Variants in SCAF11 observed in about 807,000 individuals in gnomAD.
The protein encoded by SCAF11 is SR-related CTD associated factor 11.
SCAF11 carries 47 observed loss-of-function variants against 140.5 expected under a neutral mutation model. The ratio of observed to expected loss-of-function variants is 0.33; its 90% CI spans 0.26 to 0.43. The LOEUF is 0.43. Among genes scored for constraint, SCAF11 ranks in the 20% least tolerant of loss-of-function variants. The pLI is 1.00. For synonymous variants in SCAF11, 557 were observed against 579.4 expected, an observed-to-expected ratio of 0.96 and a Z score of 0.55; for missense variants, 1,645 against 1,705.1, an observed-to-expected ratio of 0.96 and a Z score of 0.62.
intron 5 of SCAF11, among the ~76,000 whole-genome samples, chr12:45,945,769 G>A (rs1474961127): frequency 6.6e-6 from 1 of 152,068 alleles, no homozygotes; most frequent in African/African-American, 2.4e-5. Context: ...CTGGGCTCAA[G>A]TGATCCTCCC....
rs990850938 is a variant in SCAF11 at position 45,971,043 on chromosome 12, G to A, written c.-21-6855C>T. Among the ~76,000 whole-genome samples the A allele has an allele frequency of 7.2e-5, 11 of 152,088 alleles. No individual in the cohort carries two copies. In the East Asian group the frequency reaches 1.3e-3, roughly 19 times the overall value. Reference sequence around the variant, plus strand: ...CAAAGTGAAAGGCAAGCCAGAAATCGTCAGCCAGACAATGAAGACTGAATT... The same window carrying A: ...CAAAGTGAAAGGCAAGCCAGAAATCATCAGCCAGACAATGAAGACTGAATT... On this transcript the variant is annotated intron_variant, in intron 1 of 14. Coordinates refer to ENST00000369367, the MANE Select transcript of SCAF11 (RefSeq NM_004719.3).
chr12:45,945,211 A>C (rs769676106), intron 6 of SCAF11, 38 bp downstream of exon 6: 4 of 1,273,956 alleles, frequency 3.1e-6, no homozygotes, highest in Non-Finnish European at 3.3e-6. Flanking sequence ...AAAAACAACA[A>C]AAAAAAAGGT....
At chr12:45,991,989 G>A, upstream of SCAF11, 1 of 1,289,068 alleles carries the variant, frequency 7.8e-7, no homozygotes, top group Non-Finnish European at 1.0e-6. Flanking sequence ...CGCCTGCCCG[G>A]GATGAGTTTC....
At chr12:45,959,918 C>T (rs1945785457) in intron 3 of SCAF11, among the ~76,000 whole-genome samples, 1 of 152,164 alleles carries the variant, frequency 6.6e-6, no homozygotes, top group Non-Finnish European at 1.5e-5. Context: ...ATCACAACTC[C>T]TCCCTGCCTA....
In SCAF11 at chr12:45,936,236, G is replaced by C. The variant is rs961311773; in HGVS notation, c.464-1731C>G. Among the ~76,000 whole-genome samples, 3 of 151,854 alleles carry C rather than the reference G, an allele frequency of 2.0e-5. No individual in the cohort carries two copies. The South Asian group carries it at 6.2e-4, about 32-fold the overall frequency. ...GGCTGACTGCAACCTCTGCCTCCCA[G>C]GTTCAAGCAATTCTCCTGTCTCGGC... is the stretch of plus-strand genomic sequence containing the variant. On this transcript the variant is annotated intron_variant, in intron 6 of 14. Transcript: ENST00000369367.
At chr12:45,929,867 T>TA (rs1944999207) in intron 10 of SCAF11, 1 of 152,180 alleles carries the variant, frequency 6.6e-6, no homozygotes. Flanking sequence ...AAAAATACAA[T>TA]ATAGTCGACC....
intron 1 of SCAF11, among the ~76,000 whole-genome samples, chr12:45,976,791 TA>T (rs1000066879): frequency 2.0e-5 from 3 of 150,916 alleles, no homozygotes; most frequent in African/African-American, 7.3e-5. Context: ...CACCTTAAAC[TA>T]AAAAAGGAGC....
Position 45,990,488 on chromosome 12 carries a change from G to A in SCAF11, c.-157C>T, listed in dbSNP as rs1199484304. 1 of 1,231,000 alleles carries A rather than the reference G, an allele frequency of 8.1e-7. No individual in the cohort carries two copies. The highest frequency in any genetic ancestry group is 4.2e-5 in the Admixed American group (1 of 23,666). 76.3% of individuals were successfully genotyped at this position (1,231,000 alleles called of 1,614,324 possible). Reference sequence around the variant, plus strand: ...GGTGTTACAGGGTCTCTAGGACACTGACTCCGCTGGCTCGGTCCGGAGGCG... The same window carrying A: ...GGTGTTACAGGGTCTCTAGGACACTAACTCCGCTGGCTCGGTCCGGAGGCG... On this transcript the variant is annotated 5_prime_UTR_variant, in exon 1 of 15. Coordinates refer to ENST00000369367, the MANE Select transcript of SCAF11 (RefSeq NM_004719.3).
intron 6 of SCAF11, among the ~76,000 whole-genome samples, chr12:45,936,164 C>T (rs1464909541): frequency 6.8e-6 from 1 of 147,478 alleles, no homozygotes; most frequent in Non-Finnish European, 1.5e-5. Context: ...TTTTTTGAAA[C>T]AGAATCTCGC....
At chr12:45,961,602 T>C (rs1375221957) in intron 3 of SCAF11, 98 bp downstream of exon 3, 2 of 1,015,074 alleles carry the variant, frequency 2.0e-6, no homozygotes, top group Non-Finnish European at 2.8e-6. Flanking sequence ...AGGAAGAAAA[T>C]ACATTACTGT....
intron 1 of SCAF11, among the ~76,000 whole-genome samples, chr12:45,987,432 T>C (rs780886315): frequency 5.3e-5 from 8 of 152,242 alleles, no homozygotes; most frequent in African/African-American, 1.2e-4. Flanking sequence ...ACTGAAGGCA[T>C]TGTTCAGGTG....
At position 45,990,406 on chromosome 12, in the gene SCAF11, A is replaced by T; in HGVS notation, c.-75T>A. ...GGCCGCGGCCCCACAGTAGGTTCCCAGGTCCCAGTCACTCCGCTGCCAAGT... is the reference window on the plus strand; with the variant it reads ...GGCCGCGGCCCCACAGTAGGTTCCCTGGTCCCAGTCACTCCGCTGCCAAGT... On this transcript the variant is annotated 5_prime_UTR_variant, in exon 1 of 15. Coordinates refer to ENST00000369367, the MANE Select transcript of SCAF11 (RefSeq NM_004719.3). 8.1e-7 allele frequency: 1 copy of T among 1,232,366 alleles called. No homozygotes were observed. The highest frequency in any genetic ancestry group is 1.0e-6 in the Non-Finnish European group (1 of 988,624). The allele number at this position is 1,232,366 out of a possible 1,614,324, so 76.3% of individuals were successfully genotyped here.
At chr12:45,981,672 G>C (rs1435502413) in intron 1 of SCAF11, among the ~76,000 whole-genome samples, 2 of 152,136 alleles carry the variant, frequency 1.3e-5, no homozygotes, top group African/African-American at 2.4e-5. Context: ...TGGCATGCCT[G>C]TAGTACTAGG....
intron 3 of SCAF11, among the ~76,000 whole-genome samples, chr12:45,959,719 A>T (rs1014016161): frequency 1.3e-5 from 2 of 152,228 alleles, no homozygotes; most frequent in Admixed American, 1.3e-4. Context: ...CTTAGTCTAC[A>T]TGATTTTTTT....
chr12:45,976,991 T>A (rs776103232), intron 1 of SCAF11, among the ~76,000 whole-genome samples: 4 of 152,080 alleles, frequency 2.6e-5, no homozygotes, highest in Non-Finnish European at 5.9e-5. Flanking sequence ...TTGAAGAAAT[T>A]GAATTTGTAG....
chr12:45,951,925 T>A (rs761867594), intron 3 of SCAF11, among the ~76,000 whole-genome samples, 198 bp from the exon 4 acceptor site: 1 of 152,202 alleles, frequency 6.6e-6, no homozygotes, highest in South Asian at 2.1e-4. Flanking sequence ...AATACAATGA[T>A]GAACGAGACA....
intron 11 of SCAF11, 134 bp downstream of exon 11, chr12:45,926,008 T>C (rs1456455252): frequency 1.2e-6 from 1 of 837,414 alleles, no homozygotes; most frequent in Non-Finnish European, 1.8e-6. Flanking sequence ...TAATGCTAAG[T>C]GACTTGTAAA....
chr12:45,923,746 G>C (rs185871144), intron 12 of SCAF11, among the ~76,000 whole-genome samples: 2 of 151,446 alleles, frequency 1.3e-5, no homozygotes, highest in East Asian at 1.9e-4. Context: ...GCAGTGGCGC[G>C]ATCTTGGCTC....
chr12:45,923,240 A>G, intron 12 of SCAF11, 86 bp from the exon 13 acceptor site: 1 of 1,228,774 alleles, frequency 8.1e-7, no homozygotes, highest in Non-Finnish European at 1.2e-6. Flanking sequence ...ACATTAAAAA[A>G]CACAAAGCAA....
Sources: gnomAD v4.1 joint callset for allele counts (sites outside exome capture counted in the v4.1 genomes callset) on GRCh38, gnomAD v4.1.1 for gene constraint, MANE v1.5 for transcripts, NCBI Gene and HGNC (gene_info 2026-07-23, HGNC 2026-07-21) for gene names.